Variants in TNRC6B observed in about 807,000 individuals in gnomAD.
TNRC6B encodes trinucleotide repeat containing adaptor 6B, also known as trinucleotide repeat-containing gene 6B protein.
Under a neutral mutation model 203.6 loss-of-function variants are expected in TNRC6B, and 52 were observed. That is an observed-to-expected ratio of 0.26 (90% CI 0.20 to 0.32). TNRC6B has a LOEUF of 0.32. Ranked by LOEUF, TNRC6B falls within the 10% of genes least tolerant of loss-of-function variation. TNRC6B has a pLI of 1.00. For synonymous variants in TNRC6B, 838 were observed against 845.7 expected, an observed-to-expected ratio of 0.99 and a Z score of 0.16; for missense variants, 1,923 against 2,286.2, an observed-to-expected ratio of 0.84 and a Z score of 3.24.
chr22:40,170,321 AT>A (rs1569005828), intron 4 of TNRC6B, among the ~76,000 whole-genome samples: 9 of 88,686 alleles, frequency 1.0e-4, no homozygotes, highest in Non-Finnish European at 1.8e-4. Flanking sequence ...TTTTATATAT[AT>A]TATATATATT....
At chr22:40,294,846 A>T (rs1175246940) in intron 12 of TNRC6B, among the ~76,000 whole-genome samples, 1 of 152,166 alleles carries the variant, frequency 6.6e-6, no homozygotes, top group Non-Finnish European at 1.5e-5. Flanking sequence ...ATCTGGGGGA[A>T]ATTGTGGAGG....
At chr22:40,054,658 G>A (rs1488353754) in intron 1 of TNRC6B, among the ~76,000 whole-genome samples, 1 of 152,126 alleles carries the variant, frequency 6.6e-6, no homozygotes, top group African/African-American at 2.4e-5. Context: ...CCAACATCTA[G>A]CACTGTGAGT....
At chr22:40,211,383 C>CTT (rs35576070) in intron 1 of TNRC6B, among the ~76,000 whole-genome samples, 38 of 151,796 alleles carry the variant, frequency 2.5e-4, no homozygotes, top group African/African-American at 7.7e-4. Flanking sequence ...CCGGCCTGTT[C>CTT]TTTTTTTTCT....
intron 1 of TNRC6B, among the ~76,000 whole-genome samples, chr22:40,068,608 G>A (rs1445636540): frequency 6.6e-6 from 1 of 151,968 alleles, no homozygotes; most frequent in East Asian, 1.9e-4. Context: ...GTGAGCCACC[G>A]CGCCTGGCCT....
intron 1 of TNRC6B, among the ~76,000 whole-genome samples, chr22:40,192,288 A>G (rs1466977862): frequency 6.6e-6 from 1 of 152,210 alleles, no homozygotes; most frequent in African/African-American, 2.4e-5. Flanking sequence ...CAAGAGGGAC[A>G]AGTGGAGAAC....
chr22:40,262,997 G>A (rs1357908669), intron 4 of TNRC6B, among the ~76,000 whole-genome samples: 3 of 150,092 alleles, frequency 2.0e-5, no homozygotes, highest in South Asian at 2.1e-4. Context: ...CCGAGGTCGC[G>A]CCATTGCACT....
At chr22:40,057,352 G>T (rs1484669152) in intron 1 of TNRC6B, among the ~76,000 whole-genome samples, 1 of 141,022 alleles carries the variant, frequency 7.1e-6, no homozygotes, top group Non-Finnish European at 1.5e-5. Flanking sequence ...GGAGTACAAT[G>T]GCACCATCTC....
At chr22:40,125,471 C>T (rs982144927) in intron 2 of TNRC6B, among the ~76,000 whole-genome samples, 1 of 152,148 alleles carries the variant, frequency 6.6e-6, no homozygotes, top group African/African-American at 2.4e-5. Context: ...ATTTCACCAC[C>T]ACCTCTGCCA....
chr22:40,303,046 CTTTTTTTTTT>C (rs756951957), intron 15 of TNRC6B, among the ~76,000 whole-genome samples: 3 of 90,064 alleles, frequency 3.3e-5, no homozygotes, highest in Admixed American at 3.2e-4. Flanking sequence ...TCTTCTTCTT[CTTTTTTTTTT>C]TTTTTTTTTT....
intron 1 of TNRC6B, among the ~76,000 whole-genome samples, chr22:40,214,291 A>T (rs1015202185): frequency 6.6e-6 from 1 of 151,828 alleles, no homozygotes; most frequent in African/African-American, 2.4e-5. Context: ...TAAAAAAAAA[A>T]GGGTAACATG....
intron 1 of TNRC6B, among the ~76,000 whole-genome samples, chr22:40,230,090 T>C (rs558265318): frequency 8.5e-5 from 13 of 152,314 alleles, no homozygotes; most frequent in African/African-American, 2.9e-4. Flanking sequence ...GAGAGTTCCA[T>C]TTGTTAATTC....
At chr22:40,276,030 A>G (rs772290114) in intron 7 of TNRC6B, among the ~76,000 whole-genome samples, 5 of 151,416 alleles carry the variant, frequency 3.3e-5, no homozygotes, top group African/African-American at 4.8e-5. Flanking sequence ...CGTCACTTTC[A>G]AGGATAATAA....
At chr22:40,276,180 T>A (rs1004776149) in intron 7 of TNRC6B, among the ~76,000 whole-genome samples, 2 of 151,674 alleles carry the variant, frequency 1.3e-5, no homozygotes, top group African/African-American at 4.8e-5. Flanking sequence ...ACCCCATCTC[T>A]ACTAAAAATA....
chr22:40,100,847 C>T (rs2068233692), intron 1 of TNRC6B, among the ~76,000 whole-genome samples: 1 of 152,146 alleles, frequency 6.6e-6, no homozygotes. Context: ...GTTGTGGTAT[C>T]AAAAGTCAGT....
At position 40,265,359 on chromosome 22, in the gene TNRC6B, A is replaced by C; in HGVS notation, c.1129A>C (p.Asn377His). The change falls in exon 5 of 23, where the codon AAC becomes CAC. Residue 377 changes from asparagine (N) to histidine (H), a missense_variant. Asn to His is a moderately conservative substitution (Grantham distance 68). Around this residue, in one of 8 missense-constraint regions of TNRC6B, gnomAD observed 614 missense variants for 587.7 expected, o/e 1.04. Transcript: ENST00000454349. ...IHNTDGPKNG[N>H]TNSLNLSSPN... ...TAACACTGATGGACCAAAAAATGGA[A>C]ACACTAACTCCTTGAACTTAAGTTC... The C allele has an allele frequency of 6.2e-7, 1 of 1,613,994 alleles. No individual in the cohort carries two copies. The highest frequency in any genetic ancestry group is 8.5e-7 in the Non-Finnish European group (1 of 1,179,878).
At chr22:40,055,150 C>T (rs976561427) in intron 1 of TNRC6B, among the ~76,000 whole-genome samples, 4 of 152,040 alleles carry the variant, frequency 2.6e-5, no homozygotes, top group South Asian at 2.1e-4. Context: ...AGAGGTGGGG[C>T]GAAAGGAGAT....
intron 1 of TNRC6B, among the ~76,000 whole-genome samples, chr22:40,197,867 C>G (rs965911984): frequency 2.0e-5 from 3 of 152,036 alleles, no homozygotes; most frequent in Non-Finnish European, 4.4e-5. Context: ...CCACCTCAGC[C>G]TCCCAAAGCG....
chr22:40,136,401 G>GTGTGTGTGTGTGTGTA (rs1001146658), intron 3 of TNRC6B, among the ~76,000 whole-genome samples: 1 of 140,988 alleles, frequency 7.1e-6, no homozygotes, highest in Admixed American at 7.9e-5. Context: ...GTGTGTGTGT[G>GTGTGTGTGTGTGTGTA]TATACTTTTT....
chr22:40,087,167 CATT>C (rs139272056), intron 1 of TNRC6B, among the ~76,000 whole-genome samples: 6,689 of 152,072 alleles, frequency 0.044, 442 homozygotes, highest in African/African-American at 0.14. Context: ...CATAAAAACT[CATT>C]ATAGATAAGA....
Sources: gnomAD v4.1 joint callset for allele counts (sites outside exome capture counted in the v4.1 genomes callset) on GRCh38, gnomAD v4.1.1 for gene constraint, gnomAD v4.1.1 regional missense constraint, MANE v1.5 for transcripts, NCBI Gene and HGNC (gene_info 2026-07-23, HGNC 2026-07-21) for gene names.